The following PRELID2 variants were observed in gnomAD, a reference collection of about 807,000 sequenced individuals.
PRELID2 encodes the protein PRELI domain containing 2.
Under a neutral mutation model 28.4 loss-of-function variants are expected in PRELID2, and 25 were observed. The ratio of observed to expected loss-of-function variants is 0.88; its 90% confidence interval spans 0.64 to 1.23. The LOEUF is 1.23. Ranked by LOEUF, PRELID2 falls within the 50% of genes most tolerant of loss-of-function variation. The pLI is 0.00. For synonymous variants in PRELID2, 76 were observed against 71.6 expected (o/e 1.06, Z -0.31); for missense variants, 201 against 214.4 (o/e 0.94, Z 0.39).
chr5:145,529,395 G>A (rs1432637304), intron 1 of PRELID2, among the ~76,000 whole-genome samples: 8 of 152,018 alleles, frequency 5.3e-5, no homozygotes, highest in Non-Finnish European at 8.8e-5. Context: ...TTGTTAAGAC[G>A]GCATGAGAAC....
At chr5:145,597,544 T>G (rs981505427) in intron 1 of PRELID2, among the ~76,000 whole-genome samples, 4 of 152,172 alleles carry the variant, frequency 2.6e-5, no homozygotes, top group African/African-American at 9.6e-5. Flanking sequence ...TGCCAATATT[T>G]GACCATTTTT....
intron 1 of PRELID2, among the ~76,000 whole-genome samples, chr5:145,654,576 A>T (rs1361847594): frequency 1.3e-5 from 2 of 152,238 alleles, no homozygotes; most frequent in Non-Finnish European, 1.5e-5. Flanking sequence ...CAGCCCTGGG[A>T]TGCAAGACTG....
chr5:145,266,931 T>C, the PRELID2 span, among the ~76,000 whole-genome samples: 2 of 152,168 alleles, frequency 1.3e-5, no homozygotes, highest in East Asian at 1.9e-4. Flanking sequence ...AACTCGGTAA[T>C]GGAAAACCAA....
intron 1 of PRELID2, among the ~76,000 whole-genome samples, chr5:145,740,645 A>G (rs1756657874): frequency 8.9e-6 from 1 of 112,712 alleles, no homozygotes; most frequent in African/African-American, 3.5e-5. Context: ...ATAAATATAT[A>G]TATTTTATAT....
Position 145,474,595 on chromosome 5 carries a change from T to C in PRELID2, n.71-1280A>G, listed in dbSNP as rs1561490082. On this transcript the variant is annotated intron_variant and non_coding_transcript_variant, in intron 1 of 2. Transcript: ENST00000510259. The stretch of plus-strand genomic sequence containing the variant: ...CCTGTTTGGCCTGGTCCAATTATCC[T>C]CCTAAGCAGTCCTGATCATAATTGC... Among the ~76,000 whole-genome samples, 4 of 152,232 alleles carry C rather than the reference T, an allele frequency of 2.6e-5. No individual in the cohort carries two copies. The South Asian group carries it at 8.3e-4, about 32-fold the overall frequency.
At chr5:145,650,511 T>C (rs1754271938) in intron 1 of PRELID2, among the ~76,000 whole-genome samples, 2 of 138,110 alleles carry the variant, frequency 1.4e-5, no homozygotes, top group Admixed American at 7.6e-5. Context: ...ATTTTGAGCA[T>C]ATCGAATCGC....
At chr5:145,238,808 C>A in the PRELID2 span, among the ~76,000 whole-genome samples, 13 of 152,026 alleles carry the variant, frequency 8.6e-5, no homozygotes, top group Admixed American at 3.3e-4. Flanking sequence ...ACTTCATATG[C>A]AAATGAAAGC....
chr5:145,229,220 C>G, the PRELID2 span: 2 of 803,192 alleles, frequency 2.5e-6, no homozygotes, highest in South Asian at 2.7e-5. Flanking sequence ...ACTCGCTGGC[C>G]CCCCAGATGA....
chr5:145,694,897 C>T (rs1755226434), intron 1 of PRELID2, among the ~76,000 whole-genome samples: 1 of 151,852 alleles, frequency 6.6e-6, no homozygotes, highest in Non-Finnish European at 1.5e-5. Flanking sequence ...TCATGCTAAG[C>T]CTCAGTGAGT....
intron 1 of PRELID2, among the ~76,000 whole-genome samples, chr5:145,521,251 G>T (rs1307572094): frequency 1.3e-5 from 2 of 152,146 alleles, no homozygotes; most frequent in Non-Finnish European, 2.9e-5. Flanking sequence ...GAGCTAAAAT[G>T]AACTTCCCCG....
chr5:145,584,747 C>T (rs548473030), intron 1 of PRELID2, among the ~76,000 whole-genome samples: 1 of 152,112 alleles, frequency 6.6e-6, no homozygotes, highest in East Asian at 1.9e-4. Flanking sequence ...CATCTCCCAC[C>T]AGTCAGAATG....
At chr5:145,660,889 A>G (rs1341033790) in intron 1 of PRELID2, among the ~76,000 whole-genome samples, 1 of 152,242 alleles carries the variant, frequency 6.6e-6, no homozygotes, top group Non-Finnish European at 1.5e-5. Context: ...CGCTTGAAGT[A>G]TGTATGTGTA....
rs1395643819 is a variant in PRELID2 at position 145,493,064 on chromosome 5, A to G, written n.71-19749T>C. On this transcript the variant is annotated intron_variant and non_coding_transcript_variant, in intron 1 of 2. Coordinates refer to the PRELID2 transcript ENST00000510259. ...GGGGAGGGGTGTCTTGGGTAATATA[A>G]AATTGTTCTTCGGACCCTCTTCCAT... is the stretch of plus-strand genomic sequence containing the variant. Among the ~76,000 whole-genome samples, 12 of 140,030 alleles carry G rather than the reference A, an allele frequency of 8.6e-5. 4 individuals are homozygous for G. The highest frequency in any genetic ancestry group is 1.9e-4 in the Non-Finnish European group (12 of 62,188). The allele number at this position is 140,030 out of a possible 152,430, so 91.9% of individuals were successfully genotyped here.
intron 1 of PRELID2, among the ~76,000 whole-genome samples, chr5:145,651,643 C>G (rs577376037): frequency 6.6e-6 from 1 of 152,216 alleles, no homozygotes; most frequent in African/African-American, 2.4e-5. Context: ...CCCAGGCAAA[C>G]AGGGTCTGGA....
chr5:145,499,342 C>T (rs563956712), intron 1 of PRELID2, among the ~76,000 whole-genome samples: 1 of 152,216 alleles, frequency 6.6e-6, no homozygotes, highest in African/African-American at 2.4e-5. Context: ...AAGGATATCA[C>T]AAATAGTTAT....
the PRELID2 span, among the ~76,000 whole-genome samples, chr5:145,268,925 T>C: frequency 1.3e-5 from 2 of 152,094 alleles, no homozygotes; most frequent in Admixed American, 1.3e-4. Context: ...TAAAACAGTA[T>C]TGTTTGTGAT....
At chr5:145,811,100 A>C (rs1300858030) in intron 4 of PRELID2, among the ~76,000 whole-genome samples, 1 of 147,176 alleles carries the variant, frequency 6.8e-6, no homozygotes, top group African/African-American at 2.6e-5. Context: ...AAAAAAAAAA[A>C]AAAAAAAAAA....
intron 1 of PRELID2, among the ~76,000 whole-genome samples, chr5:145,528,722 CACACAGAGAG>C (rs1364427953): frequency 4.7e-4 from 60 of 128,984 alleles, no homozygotes; most frequent in East Asian, 1.4e-3. Context: ...CACACACACA[CACACAGAGAG>C]AGAGAGAGAG....
intron 5 of PRELID2, among the ~76,000 whole-genome samples, 155 bp from the exon 6 acceptor site, chr5:145,765,155 T>A (rs1190093605): frequency 6.6e-6 from 1 of 152,160 alleles, no homozygotes; most frequent in African/African-American, 2.4e-5. Flanking sequence ...TTTTTTAATA[T>A]TTTACTCAGC....
Sources: allele counts gnomAD v4.1 joint callset (sites outside exome capture counted in the v4.1 genomes callset), GRCh38; gene constraint gnomAD v4.1.1; transcripts MANE v1.5; gene names NCBI Gene and HGNC (gene_info 2026-07-23, HGNC 2026-07-21).